Variants in TUT4 observed in about 807,000 individuals in gnomAD.
TUT4 encodes the protein terminal uridylyltransferase 4.
In TUT4, 36 loss-of-function variants were observed where a neutral mutation model predicts 192.2. The ratio of observed to expected loss-of-function variants is 0.19; its 90% CI spans 0.14 to 0.25. TUT4 has a LOEUF of 0.25. TUT4 is among the 10% of genes least tolerant of loss of function. The pLI is 1.00. For missense variants in TUT4, 1,493 were observed against 1,957.2 expected (o/e 0.76, Z 4.47); for synonymous variants, 618 against 666.0 (o/e 0.93, Z 1.11).
intron 1 of TUT4, among the ~76,000 whole-genome samples, chr1:52,543,970 C>T (rs1011127043): frequency 1.3e-5 from 2 of 152,026 alleles, no homozygotes; most frequent in Admixed American, 1.3e-4. Context: ...ACTCATACTT[C>T]CTAGTCGCAA....
Position 52,475,162 on chromosome 1 carries a change from A to G in TUT4, c.2397T>C (p.Ser799=), listed in dbSNP as rs1666768725. ...TTTCACTGCTTTTGCTGGTAGAAAG[A>G]GATGAAGAGTCCTGTCCGTGGTCAG... The part of the protein sequence containing the change: ...DFADHGQDSS[S]LSTSKSSEIE... Residue 799 remains serine (S), a synonymous_variant, in exon 13 of 30, where the codon TCT becomes TCC. Coordinates refer to ENST00000257177, the MANE Select transcript of TUT4 (RefSeq NM_001009881.3). The G allele has an allele frequency of 6.2e-7, 1 of 1,614,058 alleles. No homozygotes were observed. Among genetic ancestry groups the G allele is most frequent in the African/African-American group, 1.3e-5 (1 of 74,918 alleles).
intron 20 of TUT4, among the ~76,000 whole-genome samples, chr1:52,455,633 C>T (rs1032467588): frequency 1.8e-4 from 5 of 27,050 alleles, no homozygotes; most frequent in Non-Finnish European, 3.5e-4. Context: ...AAAAAAAAGA[C>T]GGGGGAGAGG....
chr1:52,526,177 T>C lies in TUT4; in HGVS notation c.104A>G (p.Lys35Arg). 6.2e-7 allele frequency: 1 copy of C among 1,611,956 alleles called. No individual in the cohort carries two copies. Among genetic ancestry groups the C allele is most frequent in the Non-Finnish European group, 8.5e-7 (1 of 1,179,804 alleles). The change falls in exon 2 of 30, where the codon AAA (lysine) becomes AGA (arginine). Residue 35 changes from lysine (K) to arginine (R), a missense_variant. Coordinates refer to ENST00000257177, the MANE Select transcript of TUT4 (RefSeq NM_001009881.3). ...TTTTACGGATTTATCATTTCTAGCT[T>C]TCAATGTTTGATTACCTATAACTTG... is the stretch of plus-strand genomic sequence containing the variant. ...AVQVIGNQTL[K>R]ARNDKSVKEI... is the part of the protein sequence containing the mutation.
intron 1 of TUT4, among the ~76,000 whole-genome samples, chr1:52,545,240 A>G (rs1424028813): frequency 6.6e-6 from 1 of 151,680 alleles, no homozygotes; most frequent in Non-Finnish European, 1.5e-5. Flanking sequence ...GCTGGGCAGT[A>G]GTGGCAAGCG....
rs762790320 is a variant in TUT4 at position 52,446,460 on chromosome 1, A to G, written c.3514-18T>C. ...CGCTTTTTCTACATATAAAAAAAAAAAGAAAAGAACAATGTCTATACAGTA... is the reference window on the plus strand; with the variant it reads ...CGCTTTTTCTACATATAAAAAAAAAGAGAAAAGAACAATGTCTATACAGTA... On this transcript the variant is annotated intron_variant, in intron 21 of 29. Coordinates refer to ENST00000257177, the MANE Select transcript of TUT4 (RefSeq NM_001009881.3). 2 of 1,576,726 alleles carry G rather than the reference A, an allele frequency of 1.3e-6. No individual in the cohort carries two copies. The highest frequency in any genetic ancestry group is 1.7e-4 in the Middle Eastern group (1 of 5,824).
intron 28 of TUT4, among the ~76,000 whole-genome samples, chr1:52,428,896 G>A (rs957650893): frequency 4.3e-4 from 65 of 152,108 alleles, no homozygotes; most frequent in African/African-American, 1.5e-3. Context: ...TGACACAACT[G>A]AAGTTAAAAA....
At position 52,425,475 on chromosome 1, in the gene TUT4, G is replaced by T. The variant is rs150220656; in HGVS notation, c.4744C>A (p.Pro1582Thr). ...TGGGGACGCGGTGCATGTTCCCAAG[G>T]AATTGGAGGAGTCAGTCCTCGAAAG... ...PGFRGLTPPIPWEHAPRPHFP... is the reference protein window; with the variant it reads ...PGFRGLTPPITWEHAPRPHFP... The change falls in exon 29 of 30, where the codon CCT becomes ACT. Residue 1582 changes from proline (P) to threonine (T), a missense_variant. Around this residue, in one of 7 missense-constraint regions of TUT4, gnomAD observed 351 missense variants for 397.8 expected, o/e 0.88. Transcript: ENST00000257177. 44 of 1,613,828 alleles carry T rather than the reference G, an allele frequency of 2.7e-5. No homozygotes were observed. In the African/African-American group the frequency reaches 4.7e-4, roughly 17 times the overall value.
At chr1:52,459,027 G>A (rs532542515) in intron 19 of TUT4, among the ~76,000 whole-genome samples, 2 of 152,012 alleles carry the variant, frequency 1.3e-5, no homozygotes, top group Admixed American at 6.6e-5. Flanking sequence ...AAAAAAGAAC[G>A]AAGTCCCCTG....
intron 2 of TUT4, among the ~76,000 whole-genome samples, chr1:52,516,984 CACG>C (rs1211356242): frequency 2.6e-5 from 4 of 152,082 alleles, no homozygotes; most frequent in African/African-American, 9.7e-5. Context: ...CAGATCTTGC[CACG>C]ACACTTTTCA....
At chr1:52,465,543 T>C (rs1482569660) in intron 15 of TUT4, among the ~76,000 whole-genome samples, 1 of 152,246 alleles carries the variant, frequency 6.6e-6, no homozygotes. Context: ...TGTCTCTCAA[T>C]GTCCACATCC....
At chr1:52,547,238 T>C (rs1245842356) in intron 1 of TUT4, among the ~76,000 whole-genome samples, 1 of 150,596 alleles carries the variant, frequency 6.6e-6, no homozygotes, top group African/African-American at 2.4e-5. Context: ...GGTAAAGGAT[T>C]TGAATAGGTA....
intron 1 of TUT4, among the ~76,000 whole-genome samples, chr1:52,527,874 A>G (rs1682241499): frequency 6.6e-6 from 1 of 151,874 alleles, no homozygotes; most frequent in African/African-American, 2.4e-5. Context: ...TGTGAACCTA[A>G]AAGTGTTCTA....
chr1:52,513,393 C>CAAAAAAAAAAAAAAAAAAAAAAAA (rs554170439), intron 3 of TUT4, among the ~76,000 whole-genome samples: 1 of 42,116 alleles, frequency 2.4e-5, no homozygotes, highest in African/African-American at 1.7e-4. Context: ...GACCCTGTCT[C>CAAAAAAAAAAAAAAAAAAAAAAAA]AAAAAAAAAA....
intron 20 of TUT4, among the ~76,000 whole-genome samples, chr1:52,447,900 G>T (rs1419711610): frequency 6.6e-6 from 1 of 152,198 alleles, no homozygotes; most frequent in African/African-American, 2.4e-5. Context: ...GTGACTAATG[G>T]GTCCCAGAAT....
intron 26 of TUT4, 37 bp from the exon 27 acceptor site, chr1:52,435,502 G>A (rs1192939006): frequency 6.7e-7 from 1 of 1,491,402 alleles, no homozygotes; most frequent in East Asian, 2.3e-5. Context: ...CAACAGATAA[G>A]GAAAGTAGCA....
rs147050359 is a variant in TUT4, at chr1:52,546,924, G to A, written c.-94+6007C>T. 5.1e-3 allele frequency among the ~76,000 whole-genome samples: 768 copies of A among 152,072 alleles called. 8 individuals carry two copies. Among genetic ancestry groups the A allele is most frequent in the African/African-American group, 0.017 (711 of 41,466 alleles). On this transcript the variant is annotated intron_variant, in intron 1 of 29. Coordinates refer to ENST00000257177, the MANE Select transcript of TUT4 (RefSeq NM_001009881.3). ...AGGAAGGAGGATCATTTGAGGCCAG[G>A]AGTTTGAGACCAGCCTAGACAACAT...
intron 15 of TUT4, among the ~76,000 whole-genome samples, chr1:52,466,655 A>T (rs1244702727): frequency 6.7e-5 from 9 of 133,622 alleles, no homozygotes; most frequent in African/African-American, 2.4e-4. Flanking sequence ...CAAAAAAAAA[A>T]AAAAATATAT....
chr1:52,471,429 A>G (rs1665754140), intron 14 of TUT4, among the ~76,000 whole-genome samples: 5 of 152,222 alleles, frequency 3.3e-5, no homozygotes, highest in Admixed American at 6.5e-5. Context: ...AATTGTGTTT[A>G]CACTGCGTTT....
At chr1:52,522,823 G>A (rs994385285) in intron 2 of TUT4, among the ~76,000 whole-genome samples, 2 of 151,888 alleles carry the variant, frequency 1.3e-5, no homozygotes, top group African/African-American at 4.8e-5. Context: ...CTACTTGGGA[G>A]GCTGAGGTAG....
Sources: allele counts gnomAD v4.1 joint callset (sites outside exome capture counted in the v4.1 genomes callset), GRCh38; gene constraint gnomAD v4.1.1; regional missense constraint gnomAD v4.1.1; transcripts MANE v1.5; gene names NCBI Gene and HGNC (gene_info 2026-07-23, HGNC 2026-07-21).